The following TCEANC2 variants were observed in gnomAD, a reference collection of about 807,000 sequenced individuals.
TCEANC2 encodes the protein transcription elongation factor A N-terminal and central domain-containing protein 2.
A neutral mutation model predicts 22.8 loss-of-function variants in TCEANC2; 20 were observed. The observed-to-expected ratio is 0.88, with a 90% CI of 0.62 to 1.28. The LOEUF (loss-of-function observed/expected upper bound fraction) is 1.28. TCEANC2 is among the 50% of genes most tolerant of loss of function. TCEANC2 has a pLI of 0.00. For synonymous variants in TCEANC2, 84 were observed against 95.5 expected, an observed-to-expected ratio of 0.88 and a Z score of 0.70; for missense variants, 251 against 249.7, an observed-to-expected ratio of 1.01 and a Z score of -0.03.
chr1:54,088,804 T>C lies in TCEANC2; in HGVS notation c.438+14T>C. Reference sequence around the variant, plus strand: ...TTGGAATTAAAGGTAATGCCCTAAATATATACAACTGTTATGTACCCATAA... The same window carrying C: ...TTGGAATTAAAGGTAATGCCCTAAACATATACAACTGTTATGTACCCATAA... On this transcript the variant is annotated intron_variant, in intron 4 of 4. Transcript: ENST00000234827. The C allele has an allele frequency of 6.5e-7, 1 of 1,542,648 alleles. No homozygotes were observed. The highest frequency in any genetic ancestry group is 8.8e-7 in the Non-Finnish European group (1 of 1,142,798).
chr1:54,054,328 A>C (rs748687756), intron 1 of TCEANC2, 53 bp from the exon 2 acceptor site: 18 of 1,540,108 alleles, frequency 1.2e-5, no homozygotes, highest in Non-Finnish European at 1.6e-5. Flanking sequence ...TGGGGAAAAA[A>C]TATCATGGCA....
chr1:54,059,229 T>C (rs1379217203), intron 2 of TCEANC2, among the ~76,000 whole-genome samples: 1 of 151,260 alleles, frequency 6.6e-6, no homozygotes, highest in African/African-American at 2.4e-5. Context: ...CTCAGCTTAC[T>C]GCAGCCTCTG....
In TCEANC2 at chr1:54,096,295, T is replaced by C; in HGVS notation, c.449T>C (p.Leu150Pro). 3.1e-6 allele frequency: 5 copies of C among 1,594,830 alleles called. No homozygotes were observed. The highest frequency in any genetic ancestry group is 4.3e-6 in the Non-Finnish European group (5 of 1,163,850). Reference sequence around the variant, plus strand: ...TTTGCTGTTTTTTAGATGGATCACCTACTGGTTGAAAATATTGAACGGGAA... The same window carrying C: ...TTTGCTGTTTTTTAGATGGATCACCCACTGGTTGAAAATATTGAACGGGAA... ...SEALELKMDH[L>P]LVENIERETF... is the part of the protein sequence containing the mutation. The change falls in exon 5 of 5, where the codon CTA (leucine) becomes CCA (proline). Residue 150 changes from leucine to proline, a missense_variant. Physicochemically the swap from Leu to Pro is moderately conservative, Grantham distance 98 (BLOSUM62 -3). Transcript: ENST00000234827. This position sits in a 1 kb window ranked among gnomAD's most constrained non-coding sequence, Gnocchi z 4.9.
At chr1:54,109,331 T>C (rs1048744103), downstream of TCEANC2, among the ~76,000 whole-genome samples, 25 of 152,036 alleles carry the variant, frequency 1.6e-4, no homozygotes, top group African/African-American at 5.3e-4. Flanking sequence ...CAGGAGTAAG[T>C]GTGACGTGGA....
At chr1:54,071,023 G>A (rs1290306274) in intron 3 of TCEANC2, among the ~76,000 whole-genome samples, 1 of 152,220 alleles carries the variant, frequency 6.6e-6, no homozygotes, top group Non-Finnish European at 1.5e-5. Context: ...GAGCTGTATA[G>A]AAGGTGGAGG....
rs2100397795 is a variant in TCEANC2, at chr1:54,105,975, G to A, written c.*9502G>A. 6.6e-6 allele frequency: 1 copy of A among 152,178 alleles called. No individual in the cohort carries two copies. The highest frequency in any genetic ancestry group is 2.4e-5 in the African/African-American group (1 of 41,466). The allele number at this position is 152,178 out of a possible 1,614,324, so 9.4% of individuals were successfully genotyped here. On this transcript the variant is annotated 3_prime_UTR_variant, in exon 5 of 5. Transcript: ENST00000234827. ...TATTTTAAGCTTTGTGAGCCACATG[G>A]TCTCTGTCACAACTATTCAGCTCTG...
Position 54,105,275 on chromosome 1 carries a change from T to A in TCEANC2, c.*8802T>A, listed in dbSNP as rs1023095350. 1 of 152,362 alleles carries A rather than the reference T, an allele frequency of 6.6e-6. No homozygotes were observed. Among genetic ancestry groups the A allele is most frequent in the African/African-American group, 2.4e-5 (1 of 41,428 alleles). 9.4% of individuals were successfully genotyped at this position (152,362 alleles called of 1,614,324 possible). A position where few individuals can be genotyped will look rare whatever the true frequency, so the allele number is the denominator to read the frequency against. ...GCTCTCAGCCAGCAGCCTTCAGCTG[T>A]CAGCCCCCTGGGAATTTTCCTCAAT... is the stretch of plus-strand genomic sequence containing the variant. On this transcript the variant is annotated 3_prime_UTR_variant, in exon 5 of 5. Transcript: ENST00000234827.
chr1:54,093,749 T>TA (rs1330554827), intron 4 of TCEANC2, among the ~76,000 whole-genome samples: 2 of 142,344 alleles, frequency 1.4e-5, no homozygotes, highest in Admixed American at 7.1e-5. Flanking sequence ...TTTTTTTTTT[T>TA]AATACAGGTA....
At chr1:54,094,692 G>A (rs1658511147) in intron 4 of TCEANC2, among the ~76,000 whole-genome samples, 1 of 152,226 alleles carries the variant, frequency 6.6e-6, no homozygotes, top group African/African-American at 2.4e-5. Flanking sequence ...TTATTGCTCA[G>A]CCCAAGCACA....
rs1207516186 is a variant in TCEANC2, at chr1:54,100,855, A to G, written c.*4382A>G. ...AGATGTGTGTTTTAAAAAGATTTAA[A>G]AAACAAAAACAAAAACAGATATTTT... On this transcript the variant is annotated 3_prime_UTR_variant, in exon 5 of 5. Coordinates refer to ENST00000234827, the MANE Select transcript of TCEANC2 (RefSeq NM_153035.3). The G allele has an allele frequency of 6.6e-6, 1 of 151,924 alleles. No homozygotes were observed. 9.4% of individuals were successfully genotyped at this position (151,924 alleles called of 1,614,324 possible). A position where few individuals can be genotyped will look rare whatever the true frequency, so the allele number is the denominator to read the frequency against.
chr1:54,054,010 A>C (rs1657684902), intron 1 of TCEANC2: 1 of 218,062 alleles, frequency 4.6e-6, no homozygotes, highest in Non-Finnish European at 8.9e-6. Flanking sequence ...GGTGGTTGTT[A>C]AGAGGGCGTC....
intron 3 of TCEANC2, among the ~76,000 whole-genome samples, chr1:54,086,308 G>A (rs111297487): frequency 1.7e-4 from 26 of 152,238 alleles, no homozygotes; most frequent in African/African-American, 5.8e-4. Flanking sequence ...AGAGATAACT[G>A]ATCAAATAAT....
In TCEANC2 at chr1:54,054,147, G is replaced by A. The variant is rs567513691; in HGVS notation, c.-42-234G>A. The A allele has an allele frequency of 1.5e-5, 14 of 958,980 alleles. No individual in the cohort carries two copies. In the African/African-American group the frequency reaches 2.4e-4, roughly 16 times the overall value. The allele number at this position is 958,980 out of a possible 1,614,324, so 59.4% of individuals were successfully genotyped here. On this transcript the variant is annotated intron_variant, in intron 1 of 4. Coordinates refer to ENST00000234827, the MANE Select transcript of TCEANC2 (RefSeq NM_153035.3). ...CCAATGTTGGAATCCTCGCTAGAGC[G>A]TGCACTTCTGGAAGCTAGGAACCTC... is the stretch of plus-strand genomic sequence containing the variant.
downstream of TCEANC2, among the ~76,000 whole-genome samples, chr1:54,110,821 T>C (rs1658826869): frequency 6.6e-6 from 1 of 152,034 alleles, no homozygotes; most frequent in African/African-American, 2.4e-5. Context: ...GGCAGCTGCA[T>C]GCACTCTTCC....
chr1:54,091,329 A>G (rs887789044), intron 4 of TCEANC2, among the ~76,000 whole-genome samples: 3 of 152,214 alleles, frequency 2.0e-5, no homozygotes, highest in East Asian at 3.8e-4. Flanking sequence ...CTAATTCAGT[A>G]TCTGGTCTTT....
At chr1:54,055,521 C>G (rs1194257304) in intron 2 of TCEANC2, among the ~76,000 whole-genome samples, 1 of 152,144 alleles carries the variant, frequency 6.6e-6, no homozygotes, top group African/African-American at 2.4e-5. Context: ...AATGTTTGTT[C>G]TCCTCAGAGT....
At chr1:54,069,996 G>T (rs1277935576) in intron 3 of TCEANC2, among the ~76,000 whole-genome samples, 1 of 152,130 alleles carries the variant, frequency 6.6e-6, no homozygotes, top group African/African-American at 2.4e-5. Flanking sequence ...CATTGCCTTG[G>T]TCTGCCTCCC....
downstream of TCEANC2, among the ~76,000 whole-genome samples, chr1:54,106,365 T>A (rs1051481489): frequency 6.6e-6 from 1 of 152,250 alleles, no homozygotes; most frequent in South Asian, 2.1e-4. Context: ...ATGTATTTTT[T>A]AATTTTCCAG....
chr1:54,108,649 G>A (rs1259234698), downstream of TCEANC2, among the ~76,000 whole-genome samples: 2 of 152,188 alleles, frequency 1.3e-5, no homozygotes. Context: ...GGCAGCCCTA[G>A]TAGAAGCTAA....
Sources: gnomAD v4.1 joint callset for allele counts (sites outside exome capture counted in the v4.1 genomes callset) on GRCh38, gnomAD v4.1.1 for gene constraint, Gnocchi (gnomAD v3.1) non-coding constraint, MANE v1.5 for transcripts, NCBI Gene and HGNC (gene_info 2026-07-23, HGNC 2026-07-21) for gene names.